CNTNAP5: variants seen among roughly 807,000 people sequenced by gnomAD.
CNTNAP5 encodes contactin-associated protein-like 5.
CNTNAP5 carries 72 observed loss-of-function variants against 150.2 expected under a neutral mutation model. That is an observed-to-expected ratio of 0.48 (90% CI 0.40 to 0.58). The LOEUF is 0.58. Among genes scored for constraint, CNTNAP5 ranks in the 20% least tolerant of loss-of-function variants. The pLI, the probability that CNTNAP5 is intolerant of heterozygous loss-of-function variation, is 0.00. For missense variants in CNTNAP5, 1,636 were observed against 1,626.2 expected (o/e 1.01, Z -0.10); for synonymous variants, 672 against 619.8 (o/e 1.08, Z -1.25).
intron 1 of CNTNAP5, among the ~76,000 whole-genome samples, chr2:124,162,884 C>T (rs1048551208): frequency 3.3e-5 from 5 of 152,088 alleles, no homozygotes; most frequent in Admixed American, 3.3e-4. Flanking sequence ...TCTGCACCTC[C>T]TCATATCCCT....
intron 1 of CNTNAP5, among the ~76,000 whole-genome samples, chr2:124,173,984 A>G (rs182389833): frequency 2.0e-5 from 3 of 152,248 alleles, no homozygotes; most frequent in Admixed American, 2.0e-4. Context: ...TAGGGCCCTT[A>G]AGAAGTATGC....
At chr2:124,676,776 C>A (rs760982082) in intron 13 of CNTNAP5, among the ~76,000 whole-genome samples, 1 of 152,148 alleles carries the variant, frequency 6.6e-6, no homozygotes, top group African/African-American at 2.4e-5. Flanking sequence ...ATAAGCCTTG[C>A]CATTCTTACT....
At chr2:124,791,350 G>T (rs1489579136) in intron 18 of CNTNAP5, among the ~76,000 whole-genome samples, 1 of 152,134 alleles carries the variant, frequency 6.6e-6, no homozygotes, top group Non-Finnish European at 1.5e-5. Flanking sequence ...AAATTTTCGG[G>T]CTAACCGCAT....
chr2:124,526,473 G>C (rs1175002324), intron 9 of CNTNAP5, among the ~76,000 whole-genome samples: 1 of 152,098 alleles, frequency 6.6e-6, no homozygotes, highest in African/African-American at 2.4e-5. Context: ...ATGGTTTCAA[G>C]CTTGCATTCC....
At chr2:124,645,907 A>AAG (rs958507186) in intron 12 of CNTNAP5, among the ~76,000 whole-genome samples, 1 of 152,066 alleles carries the variant, frequency 6.6e-6, no homozygotes, top group African/African-American at 2.4e-5. Context: ...GAGCAGGAGC[A>AAG]AGAGAGAGAG....
chr2:124,819,493 A>T (rs1682439602), intron 19 of CNTNAP5, among the ~76,000 whole-genome samples: 1 of 152,140 alleles, frequency 6.6e-6, no homozygotes, highest in Non-Finnish European at 1.5e-5. Flanking sequence ...ATTTTCTTAT[A>T]AAAAATGAGT....
At chr2:124,464,560 C>T (rs917557578) in intron 6 of CNTNAP5, among the ~76,000 whole-genome samples, 7 of 152,160 alleles carry the variant, frequency 4.6e-5, no homozygotes, top group African/African-American at 1.7e-4. Flanking sequence ...AAACATGGGA[C>T]AGACTGAGTC....
At chr2:124,435,243 C>T (rs1036102000) in intron 5 of CNTNAP5, among the ~76,000 whole-genome samples, 1 of 152,062 alleles carries the variant, frequency 6.6e-6, no homozygotes, top group East Asian at 1.9e-4. Context: ...AAACTTAGTA[C>T]AGAATGCCCT....
At chr2:124,155,602 T>A (rs2104640921) in intron 1 of CNTNAP5, among the ~76,000 whole-genome samples, 1 of 152,326 alleles carries the variant, frequency 6.6e-6, no homozygotes, top group East Asian at 1.9e-4. Flanking sequence ...AAAATTTGTT[T>A]TCTTAAACAG....
intron 2 of CNTNAP5, among the ~76,000 whole-genome samples, chr2:124,235,302 T>C (rs1049302782): frequency 6.6e-6 from 1 of 152,068 alleles, no homozygotes; most frequent in African/African-American, 2.4e-5. Context: ...ATAGTTCTAG[T>C]TGTCATCTAG....
chr2:124,324,540 TC>T (rs1689170288), intron 3 of CNTNAP5, among the ~76,000 whole-genome samples: 1 of 151,994 alleles, frequency 6.6e-6, no homozygotes, highest in South Asian at 2.1e-4. Flanking sequence ...GCTAATTGGG[TC>T]CCTTGAGTTT....
intron 3 of CNTNAP5, among the ~76,000 whole-genome samples, chr2:124,250,365 G>A (rs1400950616): frequency 6.6e-6 from 1 of 152,092 alleles, no homozygotes; most frequent in African/African-American, 2.4e-5. Context: ...AACCATACAA[G>A]GATCTTTACA....
chr2:124,548,136 G>A (rs1695553984), intron 10 of CNTNAP5, among the ~76,000 whole-genome samples: 1 of 152,188 alleles, frequency 6.6e-6, no homozygotes, highest in African/African-American at 2.4e-5. Context: ...ATTGTGGAAG[G>A]AAGGATTTAG....
intron 12 of CNTNAP5, among the ~76,000 whole-genome samples, chr2:124,617,742 T>A (rs1677521207): frequency 6.6e-6 from 1 of 152,124 alleles, no homozygotes. Flanking sequence ...TATTTCAGTC[T>A]TCTTCACAGA....
intron 10 of CNTNAP5, among the ~76,000 whole-genome samples, chr2:124,537,101 G>C (rs567096045): frequency 5.3e-5 from 8 of 152,122 alleles, no homozygotes; most frequent in Admixed American, 4.6e-4. Context: ...ATGTTGTGAG[G>C]TTAATATTAT....
At chr2:124,370,016 A>C (rs979525574) in intron 3 of CNTNAP5, among the ~76,000 whole-genome samples, 1 of 152,188 alleles carries the variant, frequency 6.6e-6, no homozygotes, top group Admixed American at 6.5e-5. Flanking sequence ...ATTACCACAC[A>C]ATATTTTTAC....
At chr2:124,236,243 G>A (rs1001659340) in intron 2 of CNTNAP5, among the ~76,000 whole-genome samples, 5 of 152,194 alleles carry the variant, frequency 3.3e-5, no homozygotes, top group African/African-American at 4.8e-5. Flanking sequence ...TAGGATTACA[G>A]GCGTGAGCCA....
At chr2:124,655,743 T>C (rs1175555535) in intron 13 of CNTNAP5, among the ~76,000 whole-genome samples, 2 of 151,356 alleles carry the variant, frequency 1.3e-5, no homozygotes, top group Non-Finnish European at 2.9e-5. Flanking sequence ...ACAAAAGATA[T>C]TTAAAAAGTT....
rs1678827849 is a variant in CNTNAP5 at position 124,919,271 on chromosome 2, T to C, written c.*4983T>C. 6.6e-6 allele frequency among the ~76,000 whole-genome samples: 1 copy of C among 152,090 alleles called. No homozygotes were observed. Among genetic ancestry groups the C allele is most frequent in the African/African-American group, 2.4e-5 (1 of 41,418 alleles). ...AATTATTTGAATCCTTCATATAAGG[T>C]TTTAATAATTAACCGGTTTGCTATT... On this transcript the variant is annotated 3_prime_UTR_variant, in exon 24 of 24. Coordinates refer to ENST00000682447, the MANE Select transcript of CNTNAP5 (RefSeq NM_001367498.1).
Sources: gnomAD v4.1 joint callset for allele counts (sites outside exome capture counted in the v4.1 genomes callset) on GRCh38, gnomAD v4.1.1 for gene constraint, MANE v1.5 for transcripts, NCBI Gene and HGNC (gene_info 2026-07-23, HGNC 2026-07-21) for gene names.